IFT74: variants seen among roughly 807,000 people sequenced by gnomAD.
The protein encoded by IFT74 is intraflagellar transport 74, also known as intraflagellar transport protein 74 homolog.
In IFT74, 92 loss-of-function variants were observed where a neutral mutation model predicts 96.7. That is an observed-to-expected ratio of 0.95 (90% CI 0.80 to 1.13). IFT74 has a LOEUF of 1.13. IFT74 is among the 50% of genes most tolerant of loss of function. IFT74 has a pLI of 0.00. For missense variants in IFT74, 811 were observed against 698.2 expected (o/e 1.16, Z -1.82); for synonymous variants, 223 against 213.2 (o/e 1.05, Z -0.40).
intron 1 of IFT74, 149 bp downstream of exon 1, chr9:26,956,665 C>T (rs1541145): frequency 0.063 from 9,615 of 152,594 alleles, 355 homozygotes; most frequent in Middle Eastern, 0.16. Context: ...CAGGCATGTA[C>T]CAATTCTAGT....
At chr9:27,021,572 C>T (rs1490871113) in intron 12 of IFT74, among the ~76,000 whole-genome samples, 1 of 152,076 alleles carries the variant, frequency 6.6e-6, no homozygotes, top group East Asian at 1.9e-4. Context: ...TTTGCATTTC[C>T]CTGATAATGA....
At chr9:27,017,403 G>T (rs1829400883) in intron 11 of IFT74, among the ~76,000 whole-genome samples, 1 of 151,846 alleles carries the variant, frequency 6.6e-6, no homozygotes, top group Non-Finnish European at 1.5e-5. Flanking sequence ...TTTATTTTTT[G>T]TAGAGATAGG....
At chr9:26,954,969 T>G (rs1422737681), upstream of IFT74, among the ~76,000 whole-genome samples, 1 of 152,116 alleles carries the variant, frequency 6.6e-6, no homozygotes, top group African/African-American at 2.4e-5. Context: ...CTATTCCTTT[T>G]TCATCATGAA....
At chr9:26,982,186 T>C (rs1827409618) in intron 4 of IFT74, 1 of 245,034 alleles carries the variant, frequency 4.1e-6, no homozygotes, top group African/African-American at 2.3e-5. Flanking sequence ...ATTTATGTTA[T>C]ATTAATCAGT....
At chr9:26,990,275 G>A in intron 8 of IFT74, 80 bp downstream of exon 8, 2 of 700,284 alleles carry the variant, frequency 2.9e-6, no homozygotes, top group East Asian at 3.1e-5. Context: ...TTATTTCCTT[G>A]TAAATTTTCT....
chr9:27,054,070 A>T (rs1273584531), intron 16 of IFT74, among the ~76,000 whole-genome samples: 1 of 152,274 alleles, frequency 6.6e-6, no homozygotes, highest in African/African-American at 2.4e-5. Context: ...ATAAAAGGAA[A>T]CATTCAAGAA....
chr9:27,012,824 C>T (rs968789921), intron 10 of IFT74, among the ~76,000 whole-genome samples: 10 of 146,918 alleles, frequency 6.8e-5, no homozygotes, highest in African/African-American at 2.5e-4. Context: ...TCACGCCATT[C>T]TCCTGCCTCA....
chr9:27,058,627 A>C (rs958251595), intron 18 of IFT74, among the ~76,000 whole-genome samples: 3 of 150,750 alleles, frequency 2.0e-5, no homozygotes, highest in African/African-American at 7.3e-5. Flanking sequence ...ACCTTAGGTC[A>C]TCCACCTGCC....
intron 13 of IFT74, among the ~76,000 whole-genome samples, chr9:27,043,774 C>A (rs1379013909): frequency 6.6e-6 from 1 of 152,156 alleles, no homozygotes; most frequent in Admixed American, 6.6e-5. Context: ...CTCACCAAGC[C>A]AATCACTCTG....
intron 2 of IFT74, among the ~76,000 whole-genome samples, chr9:26,964,440 G>C (rs1291329821): frequency 6.9e-6 from 1 of 145,976 alleles, no homozygotes; most frequent in African/African-American, 2.5e-5. Context: ...TTGACTTGGC[G>C]ATGCGGGCTC....
chr9:27,027,068 A>G (rs1040380043), intron 12 of IFT74, among the ~76,000 whole-genome samples: 2 of 152,184 alleles, frequency 1.3e-5, no homozygotes, highest in African/African-American at 2.4e-5. Context: ...TTGATAGACC[A>G]ATAGCAAGAT....
intron 12 of IFT74, among the ~76,000 whole-genome samples, chr9:27,019,744 T>G (rs76045596): frequency 0.069 from 10,418 of 151,866 alleles, 453 homozygotes; most frequent in African/African-American, 0.12. Context: ...TAAACATCCA[T>G]GTACAAGTTT....
At position 26,988,483 on chromosome 9, in the gene IFT74, G is replaced by A. The variant is rs372376846; in HGVS notation, c.466-186G>A. 6.6e-5 allele frequency among the ~76,000 whole-genome samples: 10 copies of A among 152,260 alleles called. No homozygotes were observed. The East Asian group carries it at 9.6e-4, about 15-fold the overall frequency. ...AATGTGATTTGTTTATTGGCCAGGT[G>A]CATAATATATGCTTACTTAGGTAGC... is the stretch of plus-strand genomic sequence containing the variant. On this transcript the variant is annotated intron_variant, in intron 6 of 19. Transcript: ENST00000380062.
At chr9:27,044,717 A>G (rs1279330164) in intron 13 of IFT74, 25 bp from the exon 14 acceptor site, 1 of 1,458,370 alleles carries the variant, frequency 6.9e-7, no homozygotes, top group Non-Finnish European at 9.4e-7. Context: ...TTTGAAATTC[A>G]TGTTGTATTT....
chr9:27,032,402 A>G (rs1830169031), intron 13 of IFT74, among the ~76,000 whole-genome samples: 2 of 152,198 alleles, frequency 1.3e-5, no homozygotes, highest in South Asian at 4.1e-4. Flanking sequence ...TGACAATTAT[A>G]AGCCTTAATT....
intron 13 of IFT74, chr9:27,036,395 A>G: frequency 1.9e-6 from 3 of 1,594,572 alleles, no homozygotes; most frequent in Non-Finnish European, 2.6e-6. Context: ...TCTTTTTACC[A>G]CAGCAATTTT....
At chr9:27,029,311 T>A (rs1028011426) in intron 13 of IFT74, among the ~76,000 whole-genome samples, 1 of 152,110 alleles carries the variant, frequency 6.6e-6, no homozygotes, top group African/African-American at 2.4e-5. Flanking sequence ...AATGATTGCA[T>A]AAAATTTATT....
At chr9:26,974,461 G>A (rs910174242) in intron 2 of IFT74, among the ~76,000 whole-genome samples, 10 of 152,072 alleles carry the variant, frequency 6.6e-5, no homozygotes, top group African/African-American at 2.2e-4. Flanking sequence ...AATTTTATAG[G>A]CCCCTCATCT....
intron 12 of IFT74, among the ~76,000 whole-genome samples, chr9:27,026,795 T>C (rs1829881273): frequency 1.3e-5 from 2 of 152,106 alleles, no homozygotes; most frequent in South Asian, 4.1e-4. Flanking sequence ...TGACACAACC[T>C]ATTAAAACCT....
Sources: gnomAD v4.1 joint callset for allele counts (sites outside exome capture counted in the v4.1 genomes callset) on GRCh38, gnomAD v4.1.1 for gene constraint, MANE v1.5 for transcripts, NCBI Gene and HGNC (gene_info 2026-07-23, HGNC 2026-07-21) for gene names.